REV1: variants seen among roughly 807,000 people sequenced by gnomAD.
REV1 encodes the protein REV1 DNA directed polymerase, also known as translesion synthesis protein REV1.
REV1 carries 42 observed loss-of-function variants against 137.4 expected under a neutral mutation model. The ratio of observed to expected loss-of-function variants is 0.31; its 90% CI spans 0.24 to 0.40. The LOEUF (loss-of-function observed/expected upper bound fraction) is 0.40, where lower values mean the gene tolerates loss of function less well. Ranked by LOEUF, REV1 falls within the 10% of genes least tolerant of loss-of-function variation. The pLI is 1.00. For missense variants in REV1, 1,282 were observed against 1,490.1 expected, an observed-to-expected ratio of 0.86 and a Z score of 2.30; for synonymous variants, 524 against 519.2, an observed-to-expected ratio of 1.01 and a Z score of -0.12.
At chr2:99,422,709 C>A (rs537665207) in intron 10 of REV1, among the ~76,000 whole-genome samples, 17 of 152,102 alleles carry the variant, frequency 1.1e-4, no homozygotes, top group Non-Finnish European at 2.5e-4. Flanking sequence ...GGATATTTTT[C>A]CCCTAAGAAT....
chr2:99,419,175 C>G (rs1239511521), intron 11 of REV1, among the ~76,000 whole-genome samples: 1 of 150,838 alleles, frequency 6.6e-6, no homozygotes, highest in East Asian at 1.9e-4. Context: ...CAGCATCTAA[C>G]CAGAAGCAGG....
chr2:99,401,963 G>T (rs932450671), intron 22 of REV1, among the ~76,000 whole-genome samples: 9 of 152,088 alleles, frequency 5.9e-5, no homozygotes, highest in African/African-American at 2.2e-4. Context: ...GGCCAGGCTG[G>T]TCTCAAACGA....
chr2:99,455,756 T>A (rs1683467721), intron 3 of REV1, among the ~76,000 whole-genome samples: 2 of 152,216 alleles, frequency 1.3e-5, no homozygotes, highest in Admixed American at 6.5e-5. Flanking sequence ...AAACACCACA[T>A]TTGTATGTTT....
At chr2:99,471,903 A>C (rs904293417) in intron 1 of REV1, among the ~76,000 whole-genome samples, 8 of 151,596 alleles carry the variant, frequency 5.3e-5, no homozygotes, top group South Asian at 4.2e-4. Flanking sequence ...AAAAAAAAAA[A>C]AAAAAAAACA....
At position 99,464,968 on chromosome 2, in the gene REV1, C is replaced by T. The variant is rs1684632540; in HGVS notation, c.8G>A (p.Arg3Gln). MR[R>Q]GGWRKRAEND... is the part of the protein sequence containing the mutation. ...TTCAGCTCGCTTCCTCCATCCACCT[C>T]GCCTCATGGTGGAGCTTCTGTATTG... The change falls in exon 2 of 23, where the codon CGA (arginine) becomes CAA (glutamine). Residue 3 changes from arginine (R) to glutamine (Q), a missense_variant. Physicochemically the swap from Arg to Gln is conservative, Grantham distance 43. Around this residue, in one of 7 missense-constraint regions of REV1, gnomAD observed 107 missense variants for 164.3 expected, o/e 0.65. Coordinates refer to ENST00000258428, the MANE Select transcript of REV1 (RefSeq NM_016316.4). 1.4e-5 allele frequency: 22 copies of T among 1,612,904 alleles called. No homozygotes were observed. The highest frequency in any genetic ancestry group is 1.6e-5 in the Non-Finnish European group (19 of 1,179,270).
Position 99,440,867 on chromosome 2 carries a change from T to C in REV1, c.503+1450A>G, listed in dbSNP as rs540743249. ...GCAACACATGCAACAGAAAGCCATA[T>C]ATTGGCAGGAAAATACATTGTTAAC... On this transcript the variant is annotated intron_variant, in intron 5 of 22. Coordinates refer to ENST00000258428, the MANE Select transcript of REV1 (RefSeq NM_016316.4). Among the ~76,000 whole-genome samples, 7 of 152,290 alleles carry C rather than the reference T, an allele frequency of 4.6e-5. No homozygotes were observed. The East Asian group carries it at 1.4e-3, about 29-fold the overall frequency.
intron 1 of REV1, among the ~76,000 whole-genome samples, chr2:99,479,775 GTAAAAA>G: frequency 9.9e-6 from 1 of 101,180 alleles, no homozygotes; most frequent in African/African-American, 4.5e-5. Context: ...GACCAAAAAA[GTAAAAA>G]TAATAATAAT....
chr2:99,402,132 C>T (rs994934443), intron 22 of REV1, 112 bp downstream of exon 22: 14 of 575,778 alleles, frequency 2.4e-5, no homozygotes, highest in African/African-American at 5.8e-5. Flanking sequence ...ATATCACTTT[C>T]TCATTAACCC....
At chr2:99,448,899 T>C (rs1469296794) in intron 4 of REV1, among the ~76,000 whole-genome samples, 6 of 152,232 alleles carry the variant, frequency 3.9e-5, no homozygotes, top group African/African-American at 1.4e-4. Flanking sequence ...TCCTAGGCTA[T>C]AGTATTATCA....
At chr2:99,418,629 T>G (rs1324138787) in intron 12 of REV1, among the ~76,000 whole-genome samples, 199 bp downstream of exon 12, 1 of 152,182 alleles carries the variant, frequency 6.6e-6, no homozygotes, top group Non-Finnish European at 1.5e-5. Context: ...AACAAAAATG[T>G]AACATTAAGG....
intron 1 of REV1, among the ~76,000 whole-genome samples, chr2:99,483,249 T>C (rs1559427074): frequency 6.6e-6 from 1 of 152,092 alleles, no homozygotes; most frequent in East Asian, 1.9e-4. Context: ...ACTACATAAC[T>C]CAGACCAGTG....
At chr2:99,409,867 C>CCCCCA (rs1491343028) in intron 14 of REV1, among the ~76,000 whole-genome samples, 2 of 109,476 alleles carry the variant, frequency 1.8e-5, no homozygotes, top group Non-Finnish European at 3.7e-5. Flanking sequence ...CCCCCCCCCC[C>CCCCCA]AAAAAAAACA....
chr2:99,450,168 A>G (rs917595265), intron 3 of REV1, among the ~76,000 whole-genome samples: 2 of 152,154 alleles, frequency 1.3e-5, no homozygotes, highest in African/African-American at 4.8e-5. Flanking sequence ...ATTTTTTTCA[A>G]TTTTGTTTCA....
intron 21 of REV1, 132 bp downstream of exon 21, chr2:99,402,512 T>TG: frequency 1.1e-6 from 1 of 949,630 alleles, no homozygotes. Context: ...TTAAAAGATT[T>TG]GGGGGTAGCT....
chr2:99,474,537 T>C (rs993421006), intron 1 of REV1, among the ~76,000 whole-genome samples: 1 of 152,148 alleles, frequency 6.6e-6, no homozygotes, highest in Admixed American at 6.6e-5. Flanking sequence ...AATAGAGCCA[T>C]ATATGTAACA....
At chr2:99,408,177 T>C (rs747236922) in intron 14 of REV1, 46 bp from the exon 15 acceptor site, 51 of 1,108,342 alleles carry the variant, frequency 4.6e-5, no homozygotes, top group Middle Eastern at 2.1e-4. Flanking sequence ...TCCATATGTA[T>C]TCACTAGTAC....
At chr2:99,404,024 T>C (rs1675897223) in intron 18 of REV1, among the ~76,000 whole-genome samples, 3 of 152,014 alleles carry the variant, frequency 2.0e-5, no homozygotes, top group African/African-American at 7.3e-5. Flanking sequence ...GAATTAAGAG[T>C]ACTAACTTAA....
At chr2:99,442,539 A>G in intron 4 of REV1, 70 bp from the exon 5 acceptor site, 2 of 1,382,826 alleles carry the variant, frequency 1.4e-6, no homozygotes, top group Admixed American at 1.8e-5. Context: ...AAAATATTCA[A>G]TGTCCTTAAA....
chr2:99,430,342 G>A (rs762667379), intron 8 of REV1, among the ~76,000 whole-genome samples: 4 of 152,010 alleles, frequency 2.6e-5, no homozygotes, highest in South Asian at 2.1e-4. Flanking sequence ...AAAAGTTAAC[G>A]AAAAATATAA....
Sources: gnomAD v4.1 joint callset for allele counts (sites outside exome capture counted in the v4.1 genomes callset) on GRCh38, gnomAD v4.1.1 for gene constraint, gnomAD v4.1.1 regional missense constraint, MANE v1.5 for transcripts, NCBI Gene and HGNC (gene_info 2026-07-23, HGNC 2026-07-21) for gene names.